The following CDYL2 variants were observed in gnomAD, a reference collection of about 807,000 sequenced individuals.
The protein encoded by CDYL2 is chromodomain Y like 2.
In CDYL2, 23 loss-of-function variants were observed where a neutral mutation model predicts 49.4. The ratio of observed to expected loss-of-function variants is 0.47; its 90% CI spans 0.34 to 0.66. CDYL2 has a LOEUF of 0.66. CDYL2 is among the 30% of genes least tolerant of loss of function. The pLI is 0.01. For synonymous variants in CDYL2, 360 were observed against 268.8 expected, an observed-to-expected ratio of 1.34 and a Z score of -3.32; for missense variants, 678 against 656.4, an observed-to-expected ratio of 1.03 and a Z score of -0.36.
intron 5 of CDYL2, among the ~76,000 whole-genome samples, chr16:80,611,073 T>C (rs181991682): frequency 9.2e-5 from 14 of 152,276 alleles, no homozygotes; most frequent in Non-Finnish European, 1.9e-4. Context: ...CCCTACCCTG[T>C]TCTTCCCTTC....
intron 2 of CDYL2, among the ~76,000 whole-genome samples, chr16:80,656,228 G>A (rs954667587): frequency 6.6e-6 from 1 of 152,232 alleles, no homozygotes; most frequent in African/African-American, 2.4e-5. Context: ...GTCAGCTGGA[G>A]GACACCAAGG....
chr16:80,794,310 CTG>C (rs1907700249), intron 1 of CDYL2, among the ~76,000 whole-genome samples: 1 of 152,192 alleles, frequency 6.6e-6, no homozygotes. Context: ...ACTGGGGTGA[CTG>C]TGCTGTAAAA....
chr16:80,770,901 G>C (rs372052684), intron 1 of CDYL2, among the ~76,000 whole-genome samples: 1 of 152,260 alleles, frequency 6.6e-6, no homozygotes, highest in African/African-American at 2.4e-5. Flanking sequence ...AAAACAGAAA[G>C]CCAGGAAATG....
intron 1 of CDYL2, among the ~76,000 whole-genome samples, chr16:80,686,797 TAA>T (rs1188136192): frequency 6.6e-6 from 1 of 152,238 alleles, no homozygotes; most frequent in Non-Finnish European, 1.5e-5. Flanking sequence ...TGCCTCTTTA[TAA>T]TACTGCCTCT....
At chr16:80,645,379 A>G (rs1222064735) in intron 2 of CDYL2, among the ~76,000 whole-genome samples, 1 of 152,244 alleles carries the variant, frequency 6.6e-6, no homozygotes, top group East Asian at 1.9e-4. Context: ...AAGACATATG[A>G]AAAAATGCTC....
chr16:80,765,997 G>A (rs1431692454), intron 1 of CDYL2, among the ~76,000 whole-genome samples: 1 of 151,452 alleles, frequency 6.6e-6, no homozygotes, highest in Non-Finnish European at 1.5e-5. Context: ...CACATCGCAT[G>A]ATTCCATCTA....
At chr16:80,707,469 G>A (rs1474737348) in intron 1 of CDYL2, among the ~76,000 whole-genome samples, 1 of 152,076 alleles carries the variant, frequency 6.6e-6, no homozygotes, top group East Asian at 1.9e-4. Context: ...TCAAAAAAAA[G>A]AAAAGAAGAA....
At chr16:80,770,978 A>C (rs1049232237) in intron 1 of CDYL2, among the ~76,000 whole-genome samples, 3 of 152,318 alleles carry the variant, frequency 2.0e-5, no homozygotes, top group Non-Finnish European at 4.4e-5. Flanking sequence ...AAAGTTGGGA[A>C]TACTGGGAAT....
intron 1 of CDYL2, among the ~76,000 whole-genome samples, chr16:80,742,953 G>A (rs372599697): frequency 5.5e-5 from 8 of 145,184 alleles, no homozygotes; most frequent in East Asian, 4.2e-4. Flanking sequence ...TAGGTGGATG[G>A]GTAGATGAAT....
intron 1 of CDYL2, among the ~76,000 whole-genome samples, chr16:80,712,246 T>C (rs1285979062): frequency 4.3e-5 from 6 of 139,534 alleles, no homozygotes; most frequent in African/African-American, 1.5e-4. Flanking sequence ...GTGATTTAAC[T>C]GAATGCAATT....
At chr16:80,637,077 T>A (rs1332240499) in intron 2 of CDYL2, among the ~76,000 whole-genome samples, 3 of 151,974 alleles carry the variant, frequency 2.0e-5, no homozygotes, top group African/African-American at 4.8e-5. Flanking sequence ...AGGGGAGGAA[T>A]AGCATTAGAA....
chr16:80,688,663 G>C (rs947101335), intron 1 of CDYL2, among the ~76,000 whole-genome samples: 3 of 152,174 alleles, frequency 2.0e-5, no homozygotes, highest in Admixed American at 6.5e-5. Flanking sequence ...AGCATACTTT[G>C]ATCTCCGGCA....
At position 80,608,357 on chromosome 16, in the gene CDYL2, T is replaced by A. The variant is rs1369107040; in HGVS notation, c.1219-122A>T. The A allele has an allele frequency of 1.5e-5, 16 of 1,095,342 alleles. No homozygotes were observed. The South Asian group carries it at 2.7e-4, about 19-fold the overall frequency. 67.9% of individuals were successfully genotyped at this position (1,095,342 alleles called of 1,614,324 possible). A position where few individuals can be genotyped will look rare whatever the true frequency, so the allele number is the denominator to read the frequency against. ...GGAAGGCATCTTGCCTTCCAGATCC[T>A]TATCTTATTTTGGGGTCAGATAAGC... On this transcript the variant is annotated intron_variant, in intron 5 of 6. Coordinates refer to ENST00000570137, the MANE Select transcript of CDYL2 (RefSeq NM_152342.4).
intron 5 of CDYL2, among the ~76,000 whole-genome samples, chr16:80,610,873 G>T (rs1238874310): frequency 6.6e-6 from 1 of 152,126 alleles, no homozygotes; most frequent in Non-Finnish European, 1.5e-5. Flanking sequence ...TGCCCCCAGT[G>T]GACCCCGGGC....
At chr16:80,617,869 C>T (rs904152272) in intron 4 of CDYL2, among the ~76,000 whole-genome samples, 13 of 152,148 alleles carry the variant, frequency 8.5e-5, no homozygotes, top group South Asian at 2.1e-4. Context: ...TAGCATAGGG[C>T]GGGTGTTCTC....
At chr16:80,645,639 A>T (rs951221246) in intron 2 of CDYL2, among the ~76,000 whole-genome samples, 17 of 152,194 alleles carry the variant, frequency 1.1e-4, no homozygotes, top group African/African-American at 4.1e-4. Flanking sequence ...TACTGGGTAT[A>T]TATCCAAAGG....
At chr16:80,624,989 G>C (rs1038654287) in intron 3 of CDYL2, among the ~76,000 whole-genome samples, 2 of 152,186 alleles carry the variant, frequency 1.3e-5, no homozygotes, top group Non-Finnish European at 2.9e-5. Flanking sequence ...TCTATCAGGA[G>C]ATCACAGAGA....
chr16:80,725,709 A>G (rs576312812), intron 1 of CDYL2, among the ~76,000 whole-genome samples: 7 of 152,338 alleles, frequency 4.6e-5, no homozygotes, highest in African/African-American at 1.7e-4. Flanking sequence ...CTGAACTGAA[A>G]AAACACTTGG....
intron 2 of CDYL2, among the ~76,000 whole-genome samples, chr16:80,633,692 G>A (rs955484233): frequency 5.3e-5 from 8 of 151,646 alleles, no homozygotes; most frequent in African/African-American, 9.7e-5. Context: ...TATTTAATAT[G>A]AGAACCAGAG....
Sources: gnomAD v4.1 joint callset for allele counts (sites outside exome capture counted in the v4.1 genomes callset) on GRCh38, gnomAD v4.1.1 for gene constraint, MANE v1.5 for transcripts, NCBI Gene and HGNC (gene_info 2026-07-23, HGNC 2026-07-21) for gene names.